The following XRRA1 variants were observed in gnomAD, a reference collection of about 807,000 sequenced individuals.
The protein encoded by XRRA1 is X-ray radiation resistance-associated protein 1.
Under a neutral mutation model 80.2 loss-of-function variants are expected in XRRA1, and 69 were observed. The ratio of observed to expected loss-of-function variants is 0.86; its 90% CI spans 0.71 to 1.05. The LOEUF is 1.05. Among genes scored for constraint, XRRA1 ranks in the 50% least tolerant of loss-of-function variants. XRRA1 has a pLI of 0.00. For missense variants in XRRA1, 967 were observed against 976.4 expected (o/e 0.99, Z 0.13); for synonymous variants, 348 against 389.9 (o/e 0.89, Z 1.27).
chr11:74,851,679 A>G (rs2039892115), intron 13 of XRRA1, among the ~76,000 whole-genome samples: 1 of 152,214 alleles, frequency 6.6e-6, no homozygotes, highest in Non-Finnish European at 1.5e-5. Context: ...GAGCTCATAC[A>G]GGATTTAAAG....
At chr11:74,930,802 G>T (rs1309009465) in intron 5 of XRRA1, among the ~76,000 whole-genome samples, 2 of 152,060 alleles carry the variant, frequency 1.3e-5, no homozygotes, top group African/African-American at 4.8e-5. Context: ...TAGTTTTTGT[G>T]TGTTTGTTTG....
chr11:74,873,799 G>A (rs554178808), intron 10 of XRRA1, among the ~76,000 whole-genome samples: 8 of 152,292 alleles, frequency 5.3e-5, no homozygotes, highest in Non-Finnish European at 8.8e-5. Context: ...AGGGACCAGA[G>A]CATTAGGGGA....
chr11:74,941,021 C>G, intron 2 of XRRA1, 139 bp from the exon 3 acceptor site: 1 of 621,620 alleles, frequency 1.6e-6, no homozygotes, highest in Non-Finnish European at 2.8e-6. Context: ...GGAGGCCCCA[C>G]TGCCCTTGCT....
In XRRA1 at chr11:74,879,393, A is replaced by G. The variant is rs954908576; in HGVS notation, c.1004-16372T>C. 8.7e-4 allele frequency among the ~76,000 whole-genome samples: 133 copies of G among 152,186 alleles called. 1 individual carries two copies. Among genetic ancestry groups the G allele is most frequent in the African/African-American group, 3.2e-3 (131 of 41,434 alleles). ...AGACAATGGGGTTTTCTAGATATAC[A>G]ATTATGTTGTCTGCAAAGAGGGACA... On this transcript the variant is annotated intron_variant, in intron 10 of 18. Coordinates refer to ENST00000684022, the MANE Select transcript of XRRA1 (RefSeq NM_001378157.1).
At chr11:74,943,527 GTGT>G in intron 2 of XRRA1, among the ~76,000 whole-genome samples, 1 of 44,866 alleles carries the variant, frequency 2.2e-5, no homozygotes, top group African/African-American at 7.6e-5. Flanking sequence ...GTAGGAGGGT[GTGT>G]GTGTGTGTGT....
intron 10 of XRRA1, among the ~76,000 whole-genome samples, chr11:74,869,410 A>AT (rs1054083829): frequency 2.0e-5 from 3 of 152,130 alleles, no homozygotes; most frequent in Non-Finnish European, 4.4e-5. Context: ...CCAAGAAATT[A>AT]TTTTTTTCTA....
intron 10 of XRRA1, among the ~76,000 whole-genome samples, chr11:74,882,243 G>A (rs1298636968): frequency 6.7e-6 from 1 of 150,206 alleles, no homozygotes; most frequent in South Asian, 2.1e-4. Context: ...TTCCCTTCTC[G>A]CTTCATTTCA....
In XRRA1 at chr11:74,852,085, G is replaced by C; in HGVS notation, c.1171-3C>G. ...AGGACAGCATCCTCTTTTGCGATCT[G>C]TAATGAATGCAGGAGAGACTCTCAG... On this transcript the variant is annotated splice_region_variant and splice_polypyrimidine_tract_variant and intron_variant, in intron 12 of 18. Transcript: ENST00000684022. 3 of 1,612,838 alleles carry C rather than the reference G, an allele frequency of 1.9e-6. No homozygotes were observed. Among genetic ancestry groups the C allele is most frequent in the Non-Finnish European group, 2.5e-6 (3 of 1,178,876 alleles).
chr11:74,894,582 G>T (rs1281669189), intron 10 of XRRA1, among the ~76,000 whole-genome samples: 1 of 152,178 alleles, frequency 6.6e-6, no homozygotes, highest in Non-Finnish European at 1.5e-5. Context: ...GAATGAAGAA[G>T]AAACTTGCCA....
chr11:74,863,224 A>G (rs998644027), intron 10 of XRRA1: 9 of 619,244 alleles, frequency 1.5e-5, no homozygotes, highest in South Asian at 3.8e-5. Flanking sequence ...CACTTAGGAT[A>G]AAATACAAAC....
intron 12 of XRRA1, among the ~76,000 whole-genome samples, chr11:74,855,438 A>G (rs1358538233): frequency 6.6e-6 from 1 of 152,202 alleles, no homozygotes; most frequent in Non-Finnish European, 1.5e-5. Context: ...TGTGTGTGGT[A>G]TTTTCTGTGA....
intron 12 of XRRA1, among the ~76,000 whole-genome samples, chr11:74,855,937 A>T (rs1004139575): frequency 6.6e-6 from 1 of 152,060 alleles, no homozygotes; most frequent in Non-Finnish European, 1.5e-5. Flanking sequence ...GTTCAAGACC[A>T]GCCTGGCCAA....
At chr11:74,932,741 AGAATG>A (rs1429811855) in intron 5 of XRRA1, among the ~76,000 whole-genome samples, 2 of 152,212 alleles carry the variant, frequency 1.3e-5, no homozygotes. Flanking sequence ...GTGCTGGCCT[AGAATG>A]GAGGGCCTCT....
intron 11 of XRRA1, among the ~76,000 whole-genome samples, chr11:74,859,534 C>T (rs1350337482): frequency 6.6e-6 from 1 of 152,112 alleles, no homozygotes; most frequent in Non-Finnish European, 1.5e-5. Flanking sequence ...TTCAAGTTTT[C>T]TGAGGCCACA....
chr11:74,909,573 T>A lies in XRRA1; in HGVS notation c.657-2300A>T, dbSNP rs573643186. ...ATGGGAAAGTTTCATTTTTTGTCTCTAAAATAGACATCTTAAAATAGAGGG... is the reference window on the plus strand; with the variant it reads ...ATGGGAAAGTTTCATTTTTTGTCTCAAAAATAGACATCTTAAAATAGAGGG... On this transcript the variant is annotated intron_variant, in intron 8 of 18. Transcript: ENST00000684022. 7.2e-5 allele frequency among the ~76,000 whole-genome samples: 11 copies of A among 152,286 alleles called. No homozygotes were observed. The South Asian group carries it at 2.1e-3, about 29-fold the overall frequency.
intron 10 of XRRA1, among the ~76,000 whole-genome samples, chr11:74,875,419 G>A (rs1022897225): frequency 3.3e-5 from 5 of 152,144 alleles, no homozygotes; most frequent in Admixed American, 3.3e-4. Context: ...GTAAGAGGAC[G>A]GCAAACTCCA....
At chr11:74,903,191 C>T (rs185118364) in intron 10 of XRRA1, among the ~76,000 whole-genome samples, 37 of 152,298 alleles carry the variant, frequency 2.4e-4, no homozygotes, top group African/African-American at 8.7e-4. Flanking sequence ...TTTAAAACTA[C>T]ATATACATAT....
intron 4 of XRRA1, among the ~76,000 whole-genome samples, chr11:74,934,804 T>G (rs913271562): frequency 6.6e-6 from 1 of 152,150 alleles, no homozygotes; most frequent in Admixed American, 6.5e-5. Flanking sequence ...AAAGCAGATT[T>G]TTAGCAGGGG....
intron 10 of XRRA1, among the ~76,000 whole-genome samples, chr11:74,870,580 T>G (rs923230427): frequency 4.6e-5 from 7 of 152,186 alleles, no homozygotes; most frequent in Non-Finnish European, 1.0e-4. Context: ...TTTGTGATTT[T>G]CTAGGAATAG....
Sources: allele counts gnomAD v4.1 joint callset (sites outside exome capture counted in the v4.1 genomes callset), GRCh38; gene constraint gnomAD v4.1.1; transcripts MANE v1.5; gene names NCBI Gene and HGNC (gene_info 2026-07-23, HGNC 2026-07-21).